The following TUT4 variants were observed in gnomAD, a reference collection of about 807,000 sequenced individuals.
TUT4 encodes the protein terminal uridylyltransferase 4.
A neutral mutation model predicts 192.2 loss-of-function variants in TUT4; 36 were observed. The ratio of observed to expected loss-of-function variants is 0.19; its 90% CI spans 0.14 to 0.25. TUT4 has a LOEUF of 0.25. TUT4 is among the 10% of genes least tolerant of loss of function. The pLI, the probability that TUT4 is intolerant of heterozygous loss-of-function variation, is 1.00. For synonymous variants in TUT4, 618 were observed against 666.0 expected, an observed-to-expected ratio of 0.93 and a Z score of 1.11; for missense variants, 1,493 against 1,957.2, an observed-to-expected ratio of 0.76 and a Z score of 4.47.
intron 24 of TUT4, among the ~76,000 whole-genome samples, chr1:52,443,928 T>A (rs910556861): frequency 6.6e-6 from 1 of 152,148 alleles, no homozygotes; most frequent in African/African-American, 2.4e-5. Flanking sequence ...TCATTGTTTC[T>A]ATTTCAATTA....
intron 3 of TUT4, 114 bp from the exon 4 acceptor site, chr1:52,509,826 T>C: frequency 2.7e-6 from 2 of 730,104 alleles, no homozygotes; most frequent in Non-Finnish European, 2.4e-6. Context: ...CACTGAAGGT[T>C]TTTTCTTTAT....
intron 27 of TUT4, chr1:52,433,487 G>A (rs143836094): frequency 6.6e-6 from 1 of 152,332 alleles, no homozygotes; most frequent in East Asian, 1.9e-4. Context: ...AACACAGGAG[G>A]AAGAGGCAAG....
intron 1 of TUT4, among the ~76,000 whole-genome samples, chr1:52,532,597 T>C (rs1346029154): frequency 2.0e-5 from 3 of 152,182 alleles, no homozygotes; most frequent in African/African-American, 7.2e-5. Flanking sequence ...AGGCATGAGC[T>C]ACCATGCCCG....
At chr1:52,524,634 C>G (rs959676731) in intron 2 of TUT4, among the ~76,000 whole-genome samples, 1 of 152,006 alleles carries the variant, frequency 6.6e-6, no homozygotes, top group East Asian at 1.9e-4. Context: ...GGTGAAATCC[C>G]GTCTCTACTA....
intron 1 of TUT4, among the ~76,000 whole-genome samples, chr1:52,540,755 G>A (rs1036663182): frequency 6.6e-6 from 1 of 152,108 alleles, no homozygotes; most frequent in Non-Finnish European, 1.5e-5. Flanking sequence ...ACTAGAGTAT[G>A]TCTCTAAGCC....
intron 20 of TUT4, among the ~76,000 whole-genome samples, chr1:52,450,102 T>C (rs910399554): frequency 4.6e-5 from 7 of 152,208 alleles, no homozygotes; most frequent in African/African-American, 1.7e-4. Flanking sequence ...CAGCTCTTTT[T>C]GACGTAAAGA....
At chr1:52,435,307 C>A in intron 27 of TUT4, 58 bp downstream of exon 27, 1 of 1,360,532 alleles carries the variant, frequency 7.4e-7, no homozygotes, top group Non-Finnish European at 1.0e-6. Context: ...CACTATCACC[C>A]ATTAAAGATA....
In TUT4 at chr1:52,462,776, T is replaced by A. The variant is rs13376564; in HGVS notation, c.3070-1007A>T. ...AAGGAAATTCTTACCTCTGTAAATT[T>A]AAATGTGTTACTCTTGTAAAAACCA... is the stretch of plus-strand genomic sequence containing the variant. On this transcript the variant is annotated intron_variant, in intron 16 of 29. Transcript: ENST00000257177. 1,850 of 985,288 alleles carry A rather than the reference T, an allele frequency of 1.9e-3. 21 individuals are homozygous for A. In the African/African-American group the frequency reaches 0.029, roughly 15 times the overall value. 61.0% of individuals were successfully genotyped at this position (985,288 alleles called of 1,614,324 possible).
intron 27 of TUT4, chr1:52,432,303 C>T (rs1276357646): frequency 6.6e-6 from 1 of 151,862 alleles, no homozygotes; most frequent in Non-Finnish European, 1.5e-5. Flanking sequence ...CAGTCTGATA[C>T]AAGAAGGGAG....
At chr1:52,462,660 A>G (rs1487523904) in intron 16 of TUT4, 1 of 952,654 alleles carries the variant, frequency 1.0e-6, no homozygotes, top group Non-Finnish European at 1.2e-6. Context: ...GCCTGGCACA[A>G]AATAAGCCTT....
intron 5 of TUT4, among the ~76,000 whole-genome samples, chr1:52,496,021 A>G (rs1408865064): frequency 3.9e-5 from 6 of 152,160 alleles, no homozygotes; most frequent in African/African-American, 1.2e-4. Flanking sequence ...ATAGAAAAAA[A>G]AGAAAAGCAG....
chr1:52,520,768 CCTTA>C (rs1308111525), intron 2 of TUT4, among the ~76,000 whole-genome samples: 1 of 151,996 alleles, frequency 6.6e-6, no homozygotes, highest in Non-Finnish European at 1.5e-5. Flanking sequence ...TTTAAAACCA[CCTTA>C]CTTAACTTAC....
intron 24 of TUT4, among the ~76,000 whole-genome samples, chr1:52,441,745 T>C (rs1655655008): frequency 6.6e-6 from 1 of 152,162 alleles, no homozygotes; most frequent in South Asian, 2.1e-4. Flanking sequence ...CTTAAAATTG[T>C]CTAGCTTTTT....
At chr1:52,479,220 A>G (rs1411760219) in intron 11 of TUT4, among the ~76,000 whole-genome samples, 1 of 152,222 alleles carries the variant, frequency 6.6e-6, no homozygotes, top group African/African-American at 2.4e-5. Context: ...GAAAGAAAGC[A>G]AAGAGCCAGG....
intron 16 of TUT4, 97 bp from the exon 17 acceptor site, chr1:52,461,866 G>A (rs189255707): frequency 1.4e-6 from 1 of 731,182 alleles, no homozygotes; most frequent in Admixed American, 3.0e-5. Flanking sequence ...ACAATTTCCA[G>A]CCATAAAGCT....
intron 28 of TUT4, among the ~76,000 whole-genome samples, chr1:52,430,038 T>C (rs1651536465): frequency 1.3e-5 from 2 of 152,166 alleles, no homozygotes; most frequent in Non-Finnish European, 1.5e-5. Flanking sequence ...TTTTTTTTAA[T>C]GACTGAATAG....
chr1:52,534,041 C>T (rs970154542), intron 1 of TUT4, among the ~76,000 whole-genome samples: 6 of 152,180 alleles, frequency 3.9e-5, no homozygotes, highest in Non-Finnish European at 8.8e-5. Context: ...TCTATGTAGA[C>T]GGATACCCGT....
At chr1:52,510,129 T>C (rs1006664781) in intron 3 of TUT4, among the ~76,000 whole-genome samples, 3 of 151,846 alleles carry the variant, frequency 2.0e-5, no homozygotes, top group African/African-American at 7.3e-5. Context: ...CTGGACAACA[T>C]GGAGAAACCC....
chr1:52,465,642 A>C (rs1283078941), intron 15 of TUT4, among the ~76,000 whole-genome samples: 1 of 152,250 alleles, frequency 6.6e-6, no homozygotes, highest in Admixed American at 6.5e-5. Context: ...CCAATAGTTA[A>C]GATCAATATT....
Sources: allele counts gnomAD v4.1 joint callset (sites outside exome capture counted in the v4.1 genomes callset), GRCh38; gene constraint gnomAD v4.1.1; transcripts MANE v1.5; gene names NCBI Gene and HGNC (gene_info 2026-07-23, HGNC 2026-07-21).